Variants in MUC4 observed in about 807,000 individuals in gnomAD.
MUC4 encodes mucin-4.
A neutral mutation model predicts 257.9 loss-of-function variants in MUC4; 202 were observed. The observed-to-expected ratio is 0.78, with a 90% confidence interval of 0.70 to 0.88. The LOEUF (loss-of-function observed/expected upper bound fraction) is 0.88. MUC4 is among the 40% of genes least tolerant of loss of function. The probability of loss-of-function intolerance (pLI) is 0.00; values close to 1 mark genes in which losing one functional copy is unlikely to be tolerated. For missense variants in MUC4, 5,976 were observed against 6,513.7 expected (o/e 0.92, Z 2.84); for synonymous variants, 2,351 against 2,757.1 (o/e 0.85, Z 4.62).
chr3:195,766,868 A>G, intron 7 of MUC4, 117 bp from the exon 8 acceptor site: 2 of 762,264 alleles, frequency 2.6e-6, no homozygotes, highest in South Asian at 1.6e-5. Flanking sequence ...CTAGGCGGGC[A>G]GTGGGTCAGT....
chr3:195,778,688 C>A (rs1056974120), intron 2 of MUC4, 102 bp downstream of exon 2: 2 of 1,384,122 alleles, frequency 1.4e-6, no homozygotes, highest in African/African-American at 1.4e-5. Flanking sequence ...GACACGGCCC[C>A]ACCAGGTAAT....
Position 195,782,158 on chromosome 3 carries a change from CTG to C in MUC4, c.9420_9421del (p.Ser3141HisfsTer8). Reference sequence around the variant, plus strand: ...GTCACCTGTGGATGCTGAGGAAGTGCTGGTGACAGGAAGAGCGGTGGCCTGAC... The same window carrying C: ...GTCACCTGTGGATGCTGAGGAAGTGCGTGACAGGAAGAGCGGTGGCCTGAC... On this transcript the variant is annotated frameshift_variant, in exon 2 of 25. Transcript: ENST00000463781. LOFTEE classifies it high-confidence loss of function. The C allele has an allele frequency of 8.4e-7, 1 of 1,189,020 alleles. No individual in the cohort carries two copies. Among genetic ancestry groups the C allele is most frequent in the Middle Eastern group, 3.3e-4 (1 of 3,038 alleles). 73.7% of individuals were successfully genotyped at this position (1,189,020 alleles called of 1,614,324 possible). A position where few individuals can be genotyped will look rare whatever the true frequency, so the allele number is the denominator to read the frequency against.
chr3:195,807,743 C>T (rs900875997), intron 1 of MUC4, among the ~76,000 whole-genome samples: 13 of 152,232 alleles, frequency 8.5e-5, no homozygotes, highest in Admixed American at 5.9e-4. Flanking sequence ...AAGCACTTAA[C>T]AGCACCGTGA....
In MUC4 at chr3:195,754,213, C is replaced by T; in HGVS notation, c.15328G>A (p.Ala5110Thr). Reference sequence around the variant, plus strand: ...GCTCCAGGCCCTGTTCCCGGCTCACCCGCACAGTGCCGCCCATCCCCAGTC... The same window carrying T: ...GCTCCAGGCCCTGTTCCCGGCTCACTCGCACAGTGCCGCCCATCCCCAGTC... ...NLTGDGRHCA[A>T]LGSSFLCQNQ... is the part of the protein sequence containing the mutation. The change falls in exon 19 of 25, where the codon GCT (alanine) becomes ACT (threonine). Residue 5110 changes from alanine to threonine, a missense_variant and splice_region_variant. By Grantham distance (58) the Ala-to-Thr change is moderately conservative (BLOSUM62 0). Transcript: ENST00000463781. 1 of 1,612,210 alleles carries T rather than the reference C, an allele frequency of 6.2e-7. No homozygotes were observed. Among genetic ancestry groups the T allele is most frequent in the Non-Finnish European group, 8.5e-7 (1 of 1,179,054 alleles).
At chr3:195,801,613 G>A (rs1213461496) in intron 1 of MUC4, among the ~76,000 whole-genome samples, 4 of 152,020 alleles carry the variant, frequency 2.6e-5, no homozygotes, top group South Asian at 2.1e-4. Flanking sequence ...CATGAAAGCC[G>A]GGCTTCCCCT....
At chr3:195,767,835 C>CCACCACCACCATCACCATCACCCCCAA (rs1721728680) in intron 7 of MUC4, among the ~76,000 whole-genome samples, 1 of 114,772 alleles carries the variant, frequency 8.7e-6, no homozygotes, top group Non-Finnish European at 2.0e-5. Context: ...ACCACCATCA[C>CCACCACCACCATCACCATCACCCCCAA]CACCACCACC....
Position 195,790,036 on chromosome 3 carries a change from C to A in MUC4, c.1544G>T (p.Arg515Met). 6.2e-7 allele frequency: 1 copy of A among 1,613,992 alleles called. No individual in the cohort carries two copies. The highest frequency in any genetic ancestry group is 8.5e-7 in the Non-Finnish European group (1 of 1,179,884). The stretch of plus-strand genomic sequence containing the variant: ...TGTAGATGGATTTCCTGTGACAAGC[C>A]TAGTGGCAGCACCTGTTGATGTTGA... The part of the protein sequence containing the change: ...LPSTSTGAAT[R>M]LVTGNPSTGT... Residue 515 changes from arginine to methionine, a missense_variant, in exon 2 of 25, where the codon AGG becomes ATG. Around this residue, in one of 44 missense-constraint regions of MUC4, gnomAD observed 1,583 missense variants for 1,257.4 expected, o/e 1.26. Transcript: ENST00000463781.
Position 195,757,306 on chromosome 3 carries a change from T to G in MUC4, c.15009A>C (p.Thr5003=), listed in dbSNP as rs761452349. ...GAGTGAATGGCTCCAGCGACTTGGGTGTCCACAGCAACGTCCCATTCTCTG... is the reference window on the plus strand; with the variant it reads ...GAGTGAATGGCTCCAGCGACTTGGGGGTCCACAGCAACGTCCCATTCTCTG... The part of the protein sequence containing the change: ...ELFENGTLLW[T]PKSLEPFTLE... Residue 5003 remains threonine, a synonymous_variant, in exon 18 of 25, where the codon ACA becomes ACC. Coordinates refer to ENST00000463781, the MANE Select transcript of MUC4 (RefSeq NM_018406.7). The surrounding 1 kb of genome is among the most constrained non-coding windows in gnomAD (Gnocchi z 4.8). 1.0e-5 allele frequency: 16 copies of G among 1,607,364 alleles called. No individual in the cohort carries two copies. Among genetic ancestry groups the G allele is most frequent in the Non-Finnish European group, 1.2e-5 (14 of 1,174,530 alleles).
At chr3:195,795,938 AT>A (rs201648712) in intron 1 of MUC4, among the ~76,000 whole-genome samples, 1,641 of 152,126 alleles carry the variant, frequency 0.011, 10 homozygotes, top group Non-Finnish European at 0.017. Flanking sequence ...CAGAAAAAAA[AT>A]TTAAGAGACA....
chr3:195,759,316 C>T lies in MUC4; in HGVS notation c.14849-55G>A, dbSNP rs540928235. On this transcript the variant is annotated intron_variant, in intron 16 of 24. Coordinates refer to ENST00000463781, the MANE Select transcript of MUC4 (RefSeq NM_018406.7). ...GAGGCAGGACAGTCTCCTGCTTTATCAGCCTCCTCTCTTTCTCAACTCTAA... is the reference window on the plus strand; with the variant it reads ...GAGGCAGGACAGTCTCCTGCTTTATTAGCCTCCTCTCTTTCTCAACTCTAA... 6.3e-6 allele frequency: 10 copies of T among 1,593,954 alleles called. No individual in the cohort carries two copies. The South Asian group carries it at 1.1e-4, about 18-fold the overall frequency.
chr3:195,791,082 G>A lies in MUC4; in HGVS notation c.498C>T (p.Thr166=). The A allele has an allele frequency of 6.2e-7, 1 of 1,613,796 alleles. No individual in the cohort carries two copies. Among genetic ancestry groups the A allele is most frequent in the South Asian group, 1.1e-5 (1 of 91,072 alleles). The change falls in exon 2 of 25, where the codon ACC becomes ACT. Residue 166 remains threonine (T), a synonymous_variant. Coordinates refer to ENST00000463781, the MANE Select transcript of MUC4 (RefSeq NM_018406.7). ...TAGTESSTPV[T]SAVSITAGQE... ...GTCCAGCTGTTATTGAGACTGCTGA[G>A]GTCACTGGGGTAGAACTTTCAGTTC...
rs1443606842 is a variant in MUC4 at position 195,781,164 on chromosome 3, A to C, written c.10416T>G (p.Pro3472=). 101 of 1,489,246 alleles carry C rather than the reference A, an allele frequency of 6.8e-5. 5 individuals carry two copies. The highest frequency in any genetic ancestry group is 8.2e-5 in the Non-Finnish European group (92 of 1,115,976). The allele number at this position is 1,489,246 out of a possible 1,614,324, so 92.3% of individuals were successfully genotyped here. ...TSSASTGDTT[P]LPVTSPSSAS... ...CTGAGGAAGGGCTGGTGACAGGAAG[A>C]GGGGTGGTGTCACCTGTGGATGCTG... Residue 3472 remains proline, a synonymous_variant, in exon 2 of 25, where the codon CCT becomes CCG. Coordinates refer to ENST00000463781, the MANE Select transcript of MUC4 (RefSeq NM_018406.7).
At chr3:195,774,756 C>T (rs1453549988) in intron 3 of MUC4, among the ~76,000 whole-genome samples, 1 of 151,628 alleles carries the variant, frequency 6.6e-6, no homozygotes, top group Non-Finnish European at 1.5e-5. Context: ...AAAAATTAGC[C>T]GGGTGTGGTG....
Position 195,785,703 on chromosome 3 carries a change from G to A in MUC4, c.5877C>T (p.Ser1959=), listed in dbSNP as rs780534163. Residue 1959 remains serine, a synonymous_variant, in exon 2 of 25, where the codon TCC becomes TCT. Coordinates refer to ENST00000463781, the MANE Select transcript of MUC4 (RefSeq NM_018406.7). ...AGGTGGCGTGACCTGTGGGTACTGA[G>A]GAAGCGTCGGTGACAGGAAGAGGGG... ...HTTPLPVTDA[S]SVPTGHATSL... is the part of the protein sequence containing the mutation. The A allele has an allele frequency of 5.0e-6, 7 of 1,398,252 alleles. No homozygotes were observed. The South Asian group carries it at 7.8e-5, about 16-fold the overall frequency. The allele number at this position is 1,398,252 out of a possible 1,614,324, so 86.6% of individuals were successfully genotyped here. A position where few individuals can be genotyped will look rare whatever the true frequency, so the allele number is the denominator to read the frequency against.
chr3:195,757,453 G>T lies in MUC4; in HGVS notation c.14987-125C>A. 1.1e-6 allele frequency: 1 copy of T among 886,256 alleles called. No individual in the cohort carries two copies. Among genetic ancestry groups the T allele is most frequent in the Non-Finnish European group, 1.7e-6 (1 of 589,324 alleles). The allele number at this position is 886,256 out of a possible 1,614,324, so 54.9% of individuals were successfully genotyped here. ...TCCCCCTCCCCAGACAAATCTCATT[G>T]GTCATTTCCTTTGAGCAAGGCTGGT... is the stretch of plus-strand genomic sequence containing the variant. On this transcript the variant is annotated intron_variant, in intron 17 of 24. Coordinates refer to ENST00000463781, the MANE Select transcript of MUC4 (RefSeq NM_018406.7). The surrounding 1 kb of genome is among the most constrained non-coding windows in gnomAD (Gnocchi z 4.8).
At chr3:195,805,913 C>T (rs1294534585) in intron 1 of MUC4, among the ~76,000 whole-genome samples, 2 of 151,874 alleles carry the variant, frequency 1.3e-5, no homozygotes, top group African/African-American at 2.4e-5. Flanking sequence ...GTCAGGAGTT[C>T]GAGACTAGCC....
At chr3:195,796,532 G>GA (rs1734602135) in intron 1 of MUC4, among the ~76,000 whole-genome samples, 1 of 150,966 alleles carries the variant, frequency 6.6e-6, no homozygotes. Flanking sequence ...CTAACACGGT[G>GA]AAAAAAAAAT....
rs1293027789 is a variant in MUC4, at chr3:195,757,754, C to T, written c.14987-426G>A. On this transcript the variant is annotated intron_variant, in intron 17 of 24. Coordinates refer to ENST00000463781, the MANE Select transcript of MUC4 (RefSeq NM_018406.7). This position sits in a 1 kb window ranked among gnomAD's most constrained non-coding sequence, Gnocchi z 4.8. ...TTTGCCCTGATTTCTCACCCACCCC[C>T]CACTTCCTGGACCTTTCCCAGACAC... 2.0e-5 allele frequency among the ~76,000 whole-genome samples: 3 copies of T among 152,134 alleles called. No individual in the cohort carries two copies. Among genetic ancestry groups the T allele is most frequent in the African/African-American group, 4.8e-5 (2 of 41,424 alleles).
In MUC4 at chr3:195,761,529, G is replaced by C; in HGVS notation, c.14569C>G (p.Pro4857Ala). ...AGCATCTCCTCAGGGCTCCCTGGGG[G>C]AATGGTGGAGCCATTGGGCATCCTG... is the stretch of plus-strand genomic sequence containing the variant. ...DFRMPNGSTIPPGSPEEMLFH... is the reference protein window; with the variant it reads ...DFRMPNGSTIAPGSPEEMLFH... Residue 4857 changes from proline to alanine, a missense_variant, in exon 15 of 25, where the codon CCC (proline) becomes GCC (alanine). By Grantham distance (27) the Pro-to-Ala change is conservative. Around this residue, in one of 44 missense-constraint regions of MUC4, gnomAD observed 996 missense variants for 1,137.3 expected, o/e 0.88. Coordinates refer to ENST00000463781, the MANE Select transcript of MUC4 (RefSeq NM_018406.7). The C allele has an allele frequency of 6.2e-7, 1 of 1,614,166 alleles. No individual in the cohort carries two copies. The highest frequency in any genetic ancestry group is 8.5e-7 in the Non-Finnish European group (1 of 1,179,994).
Sources: allele counts gnomAD v4.1 joint callset (sites outside exome capture counted in the v4.1 genomes callset), GRCh38; gene constraint gnomAD v4.1.1; regional missense constraint gnomAD v4.1.1; non-coding constraint Gnocchi (gnomAD v3.1); transcripts MANE v1.5; gene names NCBI Gene and HGNC (gene_info 2026-07-23, HGNC 2026-07-21).